CFAP221: variants seen among roughly 807,000 people sequenced by gnomAD.
CFAP221 encodes cilia and flagella associated protein 221, also known as cilia- and flagella-associated protein 221.
A neutral mutation model predicts 113.1 loss-of-function variants in CFAP221; 97 were observed. That is an observed-to-expected ratio of 0.86 (90% CI 0.73 to 1.02). CFAP221 has a LOEUF of 1.02. Ranked by LOEUF, CFAP221 falls within the 50% of genes least tolerant of loss-of-function variation. The pLI is 0.00. For synonymous variants in CFAP221, 331 were observed against 354.4 expected, an observed-to-expected ratio of 0.93 and a Z score of 0.74; for missense variants, 1,025 against 1,013.4, an observed-to-expected ratio of 1.01 and a Z score of -0.16.
Position 119,556,656 on chromosome 2 carries a change from G to A in CFAP221, c.241-3033G>A, listed in dbSNP as rs543233654. ...GCAACCTCCACCTCCCAGTTCAAGC[G>A]ATTCTCCTGCCTCAGCCTCCCGAGT... On this transcript the variant is annotated intron_variant, in intron 3 of 23. Transcript: ENST00000413369. Among the ~76,000 whole-genome samples, 99 of 151,226 alleles carry A rather than the reference G, an allele frequency of 6.5e-4. 1 individual carries two copies. The highest frequency in any genetic ancestry group is 2.2e-3 in the African/African-American group (92 of 41,208).
chr2:119,583,427 C>T (rs1166609043), intron 6 of CFAP221, among the ~76,000 whole-genome samples: 2 of 121,820 alleles, frequency 1.6e-5, no homozygotes, highest in Non-Finnish European at 3.2e-5. Flanking sequence ...GATTTTATGA[C>T]TCACACTGGG....
intron 6 of CFAP221, among the ~76,000 whole-genome samples, chr2:119,562,356 G>C (rs927126213): frequency 6.6e-6 from 1 of 152,110 alleles, no homozygotes; most frequent in African/African-American, 2.4e-5. Context: ...AGTCCGGGTG[G>C]ATCTTCAGGT....
At chr2:119,606,686 C>G (rs890055320) in intron 11 of CFAP221, among the ~76,000 whole-genome samples, 1 of 152,128 alleles carries the variant, frequency 6.6e-6, no homozygotes, top group African/African-American at 2.4e-5. Flanking sequence ...CAGCAGTGAC[C>G]AGTGACCACT....
At chr2:119,554,155 A>G (rs1442221237) in intron 3 of CFAP221, among the ~76,000 whole-genome samples, 1 of 152,246 alleles carries the variant, frequency 6.6e-6, no homozygotes, top group Non-Finnish European at 1.5e-5. Context: ...GGAAAATCCA[A>G]CAACTGCTTT....
At chr2:119,582,856 A>G (rs1336759832) in intron 6 of CFAP221, among the ~76,000 whole-genome samples, 3 of 151,712 alleles carry the variant, frequency 2.0e-5, no homozygotes, top group Non-Finnish European at 4.4e-5. Context: ...TAGAAATATA[A>G]AAGCAATCAG....
chr2:119,641,974 C>T (rs1687521537), intron 21 of CFAP221, among the ~76,000 whole-genome samples: 1 of 152,178 alleles, frequency 6.6e-6, no homozygotes, highest in Non-Finnish European at 1.5e-5. Flanking sequence ...ATCCTATTTT[C>T]TTTCCAAAGC....
intron 2 of CFAP221, 141 bp downstream of exon 2, chr2:119,546,411 G>C: frequency 9.8e-7 from 1 of 1,016,298 alleles, no homozygotes; most frequent in Non-Finnish European, 1.4e-6. Context: ...ACTAAGAACA[G>C]TAGTTCTATT....
intron 7 of CFAP221, among the ~76,000 whole-genome samples, chr2:119,598,980 G>A (rs981313273): frequency 1.3e-5 from 2 of 152,054 alleles, no homozygotes; most frequent in Non-Finnish European, 2.9e-5. Flanking sequence ...GGTTAAAGGG[G>A]GCTATTTTCT....
chr2:119,570,059 A>G (rs1384229729), intron 6 of CFAP221, among the ~76,000 whole-genome samples: 2 of 152,174 alleles, frequency 1.3e-5, no homozygotes, highest in African/African-American at 4.8e-5. Flanking sequence ...TTTTTCCTTG[A>G]TAGCCAGACA....
chr2:119,587,297 T>A (rs6726971), intron 7 of CFAP221, 75 bp downstream of exon 7: 186,523 of 1,068,722 alleles, frequency 0.17, 17,105 homozygotes, highest in African/African-American at 0.24. Context: ...CAAACACATA[T>A]CAGTGATGAA....
chr2:119,639,955 A>G, intron 21 of CFAP221, 83 bp downstream of exon 21: 2 of 1,160,646 alleles, frequency 1.7e-6, no homozygotes, highest in Non-Finnish European at 2.6e-6. Context: ...TTAAATGCCA[A>G]TAATATGTCA....
At chr2:119,609,325 A>G (rs1477790903) in intron 12 of CFAP221, among the ~76,000 whole-genome samples, 1 of 152,210 alleles carries the variant, frequency 6.6e-6, no homozygotes, top group Non-Finnish European at 1.5e-5. Flanking sequence ...ATCACATATT[A>G]TATTAATTGG....
At chr2:119,598,252 A>G (rs1165619328) in intron 7 of CFAP221, among the ~76,000 whole-genome samples, 4 of 152,228 alleles carry the variant, frequency 2.6e-5, no homozygotes, top group Admixed American at 2.6e-4. Flanking sequence ...TGCCATAACA[A>G]GTAATGTGCT....
At chr2:119,562,173 A>G in intron 6 of CFAP221, 59 bp downstream of exon 6, 1 of 1,215,998 alleles carries the variant, frequency 8.2e-7, no homozygotes, top group Non-Finnish European at 1.2e-6. Flanking sequence ...AGATACTCAT[A>G]CAAAACCTTA....
intron 14 of CFAP221, among the ~76,000 whole-genome samples, chr2:119,625,044 C>T (rs1686198978): frequency 6.6e-6 from 1 of 151,686 alleles, no homozygotes; most frequent in Non-Finnish European, 1.5e-5. Context: ...GAGCTGCTTA[C>T]AGAATGGAAA....
chr2:119,553,181 T>C (rs541543284), intron 3 of CFAP221, among the ~76,000 whole-genome samples: 1 of 152,272 alleles, frequency 6.6e-6, no homozygotes, highest in South Asian at 2.1e-4. Flanking sequence ...GTTTCACCTC[T>C]GTAGGAGGGT....
At chr2:119,606,665 A>G (rs1574115737) in intron 11 of CFAP221, among the ~76,000 whole-genome samples, 1 of 152,160 alleles carries the variant, frequency 6.6e-6, no homozygotes, top group Admixed American at 6.5e-5. Context: ...AATCACGGTG[A>G]TGCCCCCAGT....
In CFAP221 at chr2:119,562,024, C is replaced by T; in HGVS notation, c.437C>T (p.Thr146Ile). ...TCTGGTTAATTTTAGGGAGATGACA[C>T]TTTGCTTGTTCCTATTCATGCCTAT... ...CIRVHCKGDD[T>I]LLVPIHAYPV... is the part of the protein sequence containing the mutation. The change falls in exon 6 of 24, where the codon ACT (threonine) becomes ATT (isoleucine). Residue 146 changes from threonine to isoleucine, a missense_variant. By Grantham distance (89) the Thr-to-Ile change is moderately conservative. Coordinates refer to ENST00000413369, the MANE Select transcript of CFAP221 (RefSeq NM_001271049.2). 1 of 1,533,632 alleles carries T rather than the reference C, an allele frequency of 6.5e-7. No individual in the cohort carries two copies. Among genetic ancestry groups the T allele is most frequent in the Non-Finnish European group, 8.7e-7 (1 of 1,145,704 alleles).
intron 11 of CFAP221, 122 bp from the exon 12 acceptor site, chr2:119,608,380 T>C (rs144249964): frequency 1.6e-6 from 1 of 636,460 alleles, no homozygotes; most frequent in East Asian, 2.6e-5. Context: ...CTCTATCCCA[T>C]GTGTCTCCTC....
Sources: gnomAD v4.1 joint callset for allele counts (sites outside exome capture counted in the v4.1 genomes callset) on GRCh38, gnomAD v4.1.1 for gene constraint, MANE v1.5 for transcripts, NCBI Gene and HGNC (gene_info 2026-07-23, HGNC 2026-07-21) for gene names.